The following TENM4 variants were observed in gnomAD, a reference collection of about 807,000 sequenced individuals.
TENM4 encodes the protein teneurin transmembrane protein 4.
A neutral mutation model predicts 243.3 loss-of-function variants in TENM4; 82 were observed. That is an observed-to-expected ratio of 0.34 (90% CI 0.28 to 0.40). The LOEUF (loss-of-function observed/expected upper bound fraction) is 0.40, where lower values mean the gene tolerates loss of function less well. Ranked by LOEUF, TENM4 falls within the 10% of genes least tolerant of loss-of-function variation. TENM4 has a pLI of 1.00. For missense variants in TENM4, 3,138 were observed against 3,673.3 expected, an observed-to-expected ratio of 0.85 and a Z score of 3.77; for synonymous variants, 1,412 against 1,456.3, an observed-to-expected ratio of 0.97 and a Z score of 0.69.
At chr11:79,127,933 C>T (rs7924445) in intron 4 of TENM4, among the ~76,000 whole-genome samples, 8,395 of 152,252 alleles carry the variant, frequency 0.055, 337 homozygotes, top group Non-Finnish European at 0.078. Context: ...AGGCACAATG[C>T]CTAGTGGGCC....
intron 19 of TENM4, 68 bp from the exon 20 acceptor site, chr11:78,738,638 C>A (rs760137741): frequency 4.6e-6 from 7 of 1,530,018 alleles, no homozygotes; most frequent in Non-Finnish European, 6.2e-6. Context: ...TGGCAGGGAA[C>A]CCCGAGAGGC....
At chr11:78,752,715 G>A (rs1856218071) in intron 19 of TENM4, among the ~76,000 whole-genome samples, 1 of 152,064 alleles carries the variant, frequency 6.6e-6, no homozygotes, top group Non-Finnish European at 1.5e-5. Context: ...AACGCCACTG[G>A]GCTCCACTCT....
intron 18 of TENM4, among the ~76,000 whole-genome samples, chr11:78,767,551 G>A (rs1384915654): frequency 6.6e-6 from 1 of 152,236 alleles, no homozygotes; most frequent in African/African-American, 2.4e-5. Flanking sequence ...CTGTGATTAT[G>A]ATGTGTGTGA....
chr11:79,250,365 C>T (rs545600610), intron 2 of TENM4, among the ~76,000 whole-genome samples: 1 of 152,324 alleles, frequency 6.6e-6, no homozygotes, highest in Admixed American at 6.5e-5. Context: ...TAAGGCAAAG[C>T]AGGATGCCAG....
chr11:78,944,781 A>G (rs148449825), intron 6 of TENM4, among the ~76,000 whole-genome samples: 2 of 152,270 alleles, frequency 1.3e-5, no homozygotes, highest in African/African-American at 2.4e-5. Flanking sequence ...CTGTATCTTC[A>G]CTTCCCTTTG....
chr11:78,825,168 A>T (rs567482682), intron 12 of TENM4, among the ~76,000 whole-genome samples: 5 of 152,364 alleles, frequency 3.3e-5, no homozygotes, highest in Non-Finnish European at 7.3e-5. Context: ...TTTAGCCTTT[A>T]GAGTCACTAC....
chr11:79,088,691 G>C (rs1332548190), intron 4 of TENM4, among the ~76,000 whole-genome samples: 1 of 152,226 alleles, frequency 6.6e-6, no homozygotes, highest in East Asian at 1.9e-4. Context: ...CTCCGGCCCA[G>C]ATGCAGTTCT....
intron 4 of TENM4, among the ~76,000 whole-genome samples, chr11:79,086,922 T>C (rs1361856421): frequency 6.6e-6 from 1 of 152,088 alleles, no homozygotes; most frequent in African/African-American, 2.4e-5. Context: ...ACTTATACAT[T>C]TCTAACACAT....
chr11:79,328,431 A>G (rs1350314124), intron 1 of TENM4, among the ~76,000 whole-genome samples: 2 of 152,300 alleles, frequency 1.3e-5, no homozygotes, highest in African/African-American at 4.8e-5. Flanking sequence ...GGAAAGACAG[A>G]GTCTGTCTCT....
chr11:79,242,430 C>T (rs557231915), intron 2 of TENM4, among the ~76,000 whole-genome samples: 23 of 152,158 alleles, frequency 1.5e-4, no homozygotes, highest in African/African-American at 3.4e-4. Flanking sequence ...AAAAATCATC[C>T]GCAATCCTAC....
At position 79,372,813 on chromosome 11, in the gene TENM4, C is replaced by T. The variant is rs145727288; in HGVS notation, c.-321+67696G>A. Among the ~76,000 whole-genome samples, 684 of 152,266 alleles carry T rather than the reference C, an allele frequency of 4.5e-3. 6 individuals carry two copies. The highest frequency in any genetic ancestry group is 8.0e-3 in the Non-Finnish European group (542 of 68,018). On this transcript the variant is annotated intron_variant, in intron 1 of 33. Coordinates refer to ENST00000278550, the MANE Select transcript of TENM4 (RefSeq NM_001098816.3). Reference sequence around the variant, plus strand: ...TACTCTCCTCCTTCTTTCAAGTTAACTTAGAGAACTACACATAAGGGAGAT... The same window carrying T: ...TACTCTCCTCCTTCTTTCAAGTTAATTTAGAGAACTACACATAAGGGAGAT...
chr11:79,168,696 C>T (rs899368864), intron 3 of TENM4, among the ~76,000 whole-genome samples: 1 of 152,202 alleles, frequency 6.6e-6, no homozygotes, highest in Non-Finnish European at 1.5e-5. Flanking sequence ...ATCCACACCC[C>T]TTTGCAATGT....
chr11:79,273,640 G>A (rs142886339), intron 2 of TENM4, among the ~76,000 whole-genome samples: 2 of 152,158 alleles, frequency 1.3e-5, no homozygotes, highest in African/African-American at 2.4e-5. Flanking sequence ...CGGTGGAGCC[G>A]GGCCTGGAAC....
chr11:78,731,314 G>A (rs769272125), intron 21 of TENM4, among the ~76,000 whole-genome samples: 39 of 152,322 alleles, frequency 2.6e-4, no homozygotes, highest in Admixed American at 3.9e-4. Flanking sequence ...GACAGGCGCT[G>A]AATCTCTGAA....
chr11:79,338,921 A>T (rs1857196708), intron 1 of TENM4, among the ~76,000 whole-genome samples: 1 of 152,174 alleles, frequency 6.6e-6, no homozygotes, highest in Non-Finnish European at 1.5e-5. Flanking sequence ...ACCAACATGG[A>T]AGTTGAGTCT....
intron 1 of TENM4, among the ~76,000 whole-genome samples, chr11:79,403,801 AT>A (rs1858511028): frequency 6.6e-6 from 1 of 152,014 alleles, no homozygotes. Flanking sequence ...AGGCCAAAAA[AT>A]CCGGGGGGTT....
intron 6 of TENM4, among the ~76,000 whole-genome samples, chr11:78,925,331 G>GTA (rs756705094): frequency 1.3e-5 from 2 of 151,304 alleles, no homozygotes; most frequent in Non-Finnish European, 3.0e-5. Context: ...GTGTATGTAT[G>GTA]TGTGTGTGTG....
chr11:78,704,817 A>C lies in TENM4; in HGVS notation c.4210-2414T>G, dbSNP rs1232730088. ...GTTTACCAATGTAAAAAGAAACCCC[A>C]ATACATTATATACACACGAGTGAGG... On this transcript the variant is annotated intron_variant, in intron 27 of 33. Coordinates refer to ENST00000278550, the MANE Select transcript of TENM4 (RefSeq NM_001098816.3). Among the ~76,000 whole-genome samples the C allele has an allele frequency of 2.0e-5, 3 of 152,240 alleles. No homozygotes were observed. The East Asian group carries it at 5.8e-4, about 29-fold the overall frequency.
chr11:79,358,989 A>G (rs1466052172), intron 1 of TENM4, among the ~76,000 whole-genome samples: 1 of 149,918 alleles, frequency 6.7e-6, no homozygotes, highest in Non-Finnish European at 1.5e-5. Context: ...ATCTATGGCT[A>G]GGCATGGTGG....
Sources: allele counts gnomAD v4.1 joint callset (sites outside exome capture counted in the v4.1 genomes callset), GRCh38; gene constraint gnomAD v4.1.1; transcripts MANE v1.5; gene names NCBI Gene and HGNC (gene_info 2026-07-23, HGNC 2026-07-21).